Variants in YOD1 observed in about 807,000 individuals in gnomAD.
YOD1 encodes YOD1 deubiquitinase.
YOD1 carries 17 observed loss-of-function variants against 23.7 expected under a neutral mutation model. The observed-to-expected ratio is 0.72, with a 90% CI of 0.49 to 1.07. The LOEUF (loss-of-function observed/expected upper bound fraction) is 1.07, where lower values mean the gene tolerates loss of function less well. YOD1 is among the 50% of genes least tolerant of loss of function. The pLI is 0.00. For synonymous variants in YOD1, 191 were observed against 169.6 expected (o/e 1.13, Z -0.98); for missense variants, 413 against 447.2 (o/e 0.92, Z 0.69).
chr1:207,050,627 C>T (rs1682717177), intron 1 of YOD1, 61 bp downstream of exon 1: 5 of 1,597,036 alleles, frequency 3.1e-6, no homozygotes, highest in Non-Finnish European at 4.3e-6. Flanking sequence ...GTGTTTTGTT[C>T]TCTCTCACGC....
upstream of YOD1, among the ~76,000 whole-genome samples, chr1:207,051,917 C>T (rs552161121): frequency 2.6e-5 from 4 of 152,298 alleles, no homozygotes; most frequent in African/African-American, 9.6e-5. Context: ...ATAGAGAGGG[C>T]AACTAGAGCA....
upstream of YOD1, chr1:207,052,959 C>CA (rs1252610713): frequency 6.6e-6 from 1 of 152,236 alleles, no homozygotes; most frequent in Non-Finnish European, 1.5e-5. Flanking sequence ...CACCCGCTCT[C>CA]AAGACGCCTA....
chr1:207,049,042 T>A lies in YOD1; in HGVS notation c.1025A>T (p.His342Leu), dbSNP rs754563952. 5 of 1,613,688 alleles carry A rather than the reference T, an allele frequency of 3.1e-6. No individual in the cohort carries two copies. The Admixed American group carries it at 8.3e-5, about 27-fold the overall frequency. ...AGGTCACACTTCTCCAAAGTTGGTA[T>A]GGCCTGTCTCCTTGGCATGTTCCCT... ...EAREHAKETG[H>L]TNFGEV is the part of the protein sequence containing the mutation. The change falls in exon 2 of 2, where the codon CAT (histidine) becomes CTT (leucine). Residue 342 changes from histidine to leucine, a missense_variant. His to Leu is a moderately conservative substitution (Grantham distance 99, BLOSUM62 -3). Transcript: ENST00000315927.
At chr1:207,052,251 A>G (rs758888753), upstream of YOD1, 8 of 1,610,284 alleles carry the variant, frequency 5.0e-6, no homozygotes, top group African/African-American at 4.0e-5. Flanking sequence ...CACATCTTTC[A>G]TGACTCAATT....
rs1682684111 is a variant in YOD1, at chr1:207,049,596, G to A, written c.471C>T (p.Asp157=). Residue 157 remains aspartate (D), a synonymous_variant, in exon 2 of 2, where the codon GAC becomes GAT. Coordinates refer to ENST00000315927, the MANE Select transcript of YOD1 (RefSeq NM_018566.4). ...ACACACTAGTAAAGAGGCAAGAGTT[G>A]TCTGCTGGGACCACGGTTCTGGTAA... The part of the protein sequence containing the change: ...PVLTRTVVPA[D]NSCLFTSVYY... 1 of 1,614,228 alleles carries A rather than the reference G, an allele frequency of 6.2e-7. No homozygotes were observed. Among genetic ancestry groups the A allele is most frequent in the African/African-American group, 1.3e-5 (1 of 75,056 alleles).
In YOD1 at chr1:207,051,102, C is replaced by G; in HGVS notation, c.-72G>C. ...GCTTCTGCCTTAGTACCTTAGCAAGCGCGAACTCTTTTAAAGTGACAACTG... is the reference window on the plus strand; with the variant it reads ...GCTTCTGCCTTAGTACCTTAGCAAGGGCGAACTCTTTTAAAGTGACAACTG... On this transcript the variant is annotated 5_prime_UTR_variant, in exon 1 of 2. Coordinates refer to ENST00000315927, the MANE Select transcript of YOD1 (RefSeq NM_018566.4). 3 of 1,434,418 alleles carry G rather than the reference C, an allele frequency of 2.1e-6. No homozygotes were observed. Among genetic ancestry groups the G allele is most frequent in the Non-Finnish European group, 2.7e-6 (3 of 1,098,594 alleles). The allele number at this position is 1,434,418 out of a possible 1,614,324, so 88.9% of individuals were successfully genotyped here.
In YOD1 at chr1:207,044,944, G is replaced by C. The variant is rs1016320277; in HGVS notation, c.*4076C>G. On this transcript the variant is annotated 3_prime_UTR_variant, in exon 2 of 2. Coordinates refer to ENST00000315927, the MANE Select transcript of YOD1 (RefSeq NM_018566.4). ...AAGTCAAACATTCAAAGCACTGTAA[G>C]CAAAATGCTAGATAATTTTGAGAAA... 1 of 152,446 alleles carries C rather than the reference G, an allele frequency of 6.6e-6. No individual in the cohort carries two copies. Among genetic ancestry groups the C allele is most frequent in the Non-Finnish European group, 1.5e-5 (1 of 67,944 alleles). 9.4% of individuals were successfully genotyped at this position (152,446 alleles called of 1,614,324 possible).
rs1042146570 is a variant in YOD1 at position 207,051,161 on chromosome 1, C to T, written c.-131G>A. 1.3e-5 allele frequency: 18 copies of T among 1,414,180 alleles called. No individual in the cohort carries two copies. The Admixed American group carries it at 2.7e-4, about 21-fold the overall frequency. 87.6% of individuals were successfully genotyped at this position (1,414,180 alleles called of 1,614,324 possible). On this transcript the variant is annotated 5_prime_UTR_variant, in exon 1 of 2. Transcript: ENST00000315927. The stretch of plus-strand genomic sequence containing the variant: ...CCCACCCTCAGAACGAAGATGTAAA[C>T]CTCCGTATTCCTAAAGGACAACGGG...
rs1682630095 is a variant in YOD1, at chr1:207,047,622, TAAGAA to T, written c.*1393_*1397del. On this transcript the variant is annotated 3_prime_UTR_variant, in exon 2 of 2. Transcript: ENST00000315927. Reference sequence around the variant, plus strand: ...ATTTAGCATCCCTGATCAGAATAATTAAGAAAAGAGGTAGAAAACTTTTATCTGGA... The same window carrying T: ...ATTTAGCATCCCTGATCAGAATAATTAAGAGGTAGAAAACTTTTATCTGGA... The T allele has an allele frequency of 6.5e-6, 1 of 152,738 alleles. No homozygotes were observed. The highest frequency in any genetic ancestry group is 1.9e-4 in the East Asian group (1 of 5,188). The allele number at this position is 152,738 out of a possible 1,614,324, so 9.5% of individuals were successfully genotyped here. A position where few individuals can be genotyped will look rare whatever the true frequency, so the allele number is the denominator to read the frequency against.
chr1:207,050,599 G>A, intron 1 of YOD1, 89 bp downstream of exon 1: 2 of 1,562,948 alleles, frequency 1.3e-6, no homozygotes, highest in Non-Finnish European at 1.7e-6. Flanking sequence ...CCGACTCACA[G>A]CCACCTTGCC....
At chr1:207,051,791 T>C (rs912877936), upstream of YOD1, among the ~76,000 whole-genome samples, 2 of 152,224 alleles carry the variant, frequency 1.3e-5, no homozygotes, top group African/African-American at 4.8e-5. Context: ...AACGTGATAA[T>C]GCTAGATTAT....
At position 207,051,167 on chromosome 1, in the gene YOD1, T is replaced by G. The variant is rs1325456239; in HGVS notation, c.-137A>C. 5.7e-6 allele frequency: 8 copies of G among 1,411,938 alleles called. No individual in the cohort carries two copies. Among genetic ancestry groups the G allele is most frequent in the Non-Finnish European group, 7.4e-6 (8 of 1,086,720 alleles). 87.5% of individuals were successfully genotyped at this position (1,411,938 alleles called of 1,614,324 possible). A position where few individuals can be genotyped will look rare whatever the true frequency, so the allele number is the denominator to read the frequency against. On this transcript the variant is annotated 5_prime_UTR_variant, in exon 1 of 2. Coordinates refer to ENST00000315927, the MANE Select transcript of YOD1 (RefSeq NM_018566.4). ...CTCAGAACGAAGATGTAAACCTCCG[T>G]ATTCCTAAAGGACAACGGGTCTTGC...
Position 207,050,716 on chromosome 1 carries a change from G to T in YOD1, c.315C>A (p.Thr105=). 6.2e-7 allele frequency: 1 copy of T among 1,613,200 alleles called. No individual in the cohort carries two copies. The highest frequency in any genetic ancestry group is 1.1e-5 in the South Asian group (1 of 91,072). ...ATTGGATGGGCAAGTCTTCCAGAAT[G>T]GTATCCCCATTGCTGAGATCCAGGC... ...PECLDLSNGD[T]ILEDLPIQSG... The change falls in exon 1 of 2, where the codon ACC becomes ACA. Residue 105 remains threonine, a synonymous_variant. Transcript: ENST00000315927.
Position 207,048,003 on chromosome 1 carries a change from T to A in YOD1, c.*1017A>T, listed in dbSNP as rs1682638630. 6.6e-6 allele frequency: 1 copy of A among 152,268 alleles called. No individual in the cohort carries two copies. Among genetic ancestry groups the A allele is most frequent in the Admixed American group, 6.5e-5 (1 of 15,278 alleles). The allele number at this position is 152,268 out of a possible 1,614,324, so 9.4% of individuals were successfully genotyped here. On this transcript the variant is annotated 3_prime_UTR_variant, in exon 2 of 2. Transcript: ENST00000315927. ...CAAAAACCAACCCAAAGCAGAGCAT[T>A]ATTACTTGAAAAAAATTTTTTGGAG...
upstream of YOD1, chr1:207,052,386 G>T (rs1682775335): frequency 1.6e-6 from 1 of 621,874 alleles, no homozygotes; most frequent in African/African-American, 1.8e-5. Flanking sequence ...GGGTGGCCGG[G>T]CGCAGTGGCT....
Position 207,050,701 on chromosome 1 carries a change from C to T in YOD1, c.330G>A (p.Leu110=), listed in dbSNP as rs899534401. The T allele has an allele frequency of 6.2e-6, 10 of 1,612,994 alleles. No homozygotes were observed. The highest frequency in any genetic ancestry group is 8.5e-6 in the Non-Finnish European group (10 of 1,179,992). ...LSNGDTILED[L]PIQSGDMLII... ...CTGATTCCTTACCAGATTGGATGGG[C>T]AAGTCTTCCAGAATGGTATCCCCAT... Residue 110 remains leucine (L), a synonymous_variant, in exon 1 of 2, where the codon TTG becomes TTA. Coordinates refer to ENST00000315927, the MANE Select transcript of YOD1 (RefSeq NM_018566.4).
At position 207,046,061 on chromosome 1, in the gene YOD1, A is replaced by G. The variant is rs1682594456; in HGVS notation, c.*2959T>C. 1 of 152,092 alleles carries G rather than the reference A, an allele frequency of 6.6e-6. No homozygotes were observed. The highest frequency in any genetic ancestry group is 1.5e-5 in the Non-Finnish European group (1 of 67,934). 9.4% of individuals were successfully genotyped at this position (152,092 alleles called of 1,614,324 possible). A position where few individuals can be genotyped will look rare whatever the true frequency, so the allele number is the denominator to read the frequency against. ...AAATTTTAGCTTCTGAAATCACTTT[A>G]TTCAGGAGTGAATCTTCATAGTACT... On this transcript the variant is annotated 3_prime_UTR_variant, in exon 2 of 2. Transcript: ENST00000315927.
Position 207,046,923 on chromosome 1 carries a change from T to G in YOD1, c.*2097A>C, listed in dbSNP as rs924431980. On this transcript the variant is annotated 3_prime_UTR_variant, in exon 2 of 2. Coordinates refer to ENST00000315927, the MANE Select transcript of YOD1 (RefSeq NM_018566.4). The stretch of plus-strand genomic sequence containing the variant: ...ACGAATAAACTTCTAGATCTAAAGC[T>G]GTAGTAAGCAAATGTCAACTCTGTG... The G allele has an allele frequency of 1.1e-4, 16 of 152,236 alleles. No individual in the cohort carries two copies. Among genetic ancestry groups the G allele is most frequent in the Admixed American group, 7.8e-4 (12 of 15,294 alleles). The allele number at this position is 152,236 out of a possible 1,614,324, so 9.4% of individuals were successfully genotyped here.
chr1:207,051,362 C>T (rs1051519332), upstream of YOD1, among the ~76,000 whole-genome samples: 4 of 152,106 alleles, frequency 2.6e-5, no homozygotes, highest in African/African-American at 9.7e-5. Context: ...CAGACTACAC[C>T]AGGAGAAACA....
Sources: gnomAD v4.1 joint callset for allele counts (sites outside exome capture counted in the v4.1 genomes callset) on GRCh38, gnomAD v4.1.1 for gene constraint, MANE v1.5 for transcripts, NCBI Gene and HGNC (gene_info 2026-07-23, HGNC 2026-07-21) for gene names.